The following IFNG-AS1 variants were observed in gnomAD, a reference collection of about 807,000 sequenced individuals.
IFNG-AS1 encodes the protein IFNG antisense RNA 1 (non-protein coding).
intron 2 of IFNG-AS1, among the ~76,000 whole-genome samples, chr12:68,003,177 C>G (rs1484663349): frequency 6.6e-6 from 1 of 152,124 alleles, no homozygotes; most frequent in African/African-American, 2.4e-5. Flanking sequence ...TACTTCCTCA[C>G]CTCTAGCTTT....
At chr12:68,010,075 C>T (rs1396835646) in intron 3 of IFNG-AS1, among the ~76,000 whole-genome samples, 1 of 152,190 alleles carries the variant, frequency 6.6e-6, no homozygotes, top group Non-Finnish European at 1.5e-5. Context: ...TACCACTACA[C>T]CCAAGGGACT....
At chr12:68,011,196 A>G (rs765442159) in intron 3 of IFNG-AS1, among the ~76,000 whole-genome samples, 1 of 152,230 alleles carries the variant, frequency 6.6e-6, no homozygotes, top group Non-Finnish European at 1.5e-5. Context: ...TAACCATCTC[A>G]TCGTGCTCTC....
chr12:67,998,207 G>A (rs1288058811), intron 2 of IFNG-AS1, among the ~76,000 whole-genome samples: 1 of 151,974 alleles, frequency 6.6e-6, no homozygotes, highest in East Asian at 1.9e-4. Flanking sequence ...TGACATTGTT[G>A]TTATTGCAAA....
intron 3 of IFNG-AS1, among the ~76,000 whole-genome samples, chr12:68,018,944 T>C (rs546010263): frequency 6.2e-4 from 95 of 152,176 alleles, no homozygotes; most frequent in African/African-American, 2.3e-3. Flanking sequence ...TACCACGCCT[T>C]TGAGTGGAAG....
intron 2 of IFNG-AS1, among the ~76,000 whole-genome samples, chr12:68,005,180 G>T (rs190668146): frequency 6.6e-6 from 1 of 152,096 alleles, no homozygotes; most frequent in African/African-American, 2.4e-5. Context: ...AAGGGGGAGC[G>T]GGTAATAATG....
chr12:67,996,131 G>C (rs1013278190), intron 2 of IFNG-AS1: 4 of 152,154 alleles, frequency 2.6e-5, no homozygotes, highest in Non-Finnish European at 5.9e-5. Flanking sequence ...CATATATTTA[G>C]TGCCTACTAT....
chr12:68,011,003 A>G (rs1880013422), intron 3 of IFNG-AS1, among the ~76,000 whole-genome samples: 2 of 152,268 alleles, frequency 1.3e-5, no homozygotes, highest in Non-Finnish European at 1.5e-5. Context: ...AGACACTACT[A>G]TGAGGTAGGT....
At chr12:68,000,843 T>A (rs1237342783) in intron 2 of IFNG-AS1, among the ~76,000 whole-genome samples, 2 of 152,234 alleles carry the variant, frequency 1.3e-5, no homozygotes, top group East Asian at 1.9e-4. Context: ...GTAATTTTTT[T>A]ATAAATTAAT....
chr12:67,992,624 C>A (rs188886087), intron 1 of IFNG-AS1, among the ~76,000 whole-genome samples: 7 of 152,254 alleles, frequency 4.6e-5, no homozygotes, highest in Admixed American at 1.3e-4. Context: ...GCTATAAAAG[C>A]CTTTTATGCT....
intron 2 of IFNG-AS1, among the ~76,000 whole-genome samples, chr12:68,004,853 G>C (rs1879870422): frequency 6.6e-6 from 1 of 152,014 alleles, no homozygotes; most frequent in Admixed American, 6.6e-5. Context: ...ACTTTTCTTA[G>C]CGGGATGCAT....
At chr12:67,998,489 G>C (rs868214165) in intron 2 of IFNG-AS1, among the ~76,000 whole-genome samples, 3 of 151,692 alleles carry the variant, frequency 2.0e-5, no homozygotes, top group Non-Finnish European at 4.4e-5. Context: ...GTTAACCCAG[G>C]AACTAAGATT....
intron 2 of IFNG-AS1, among the ~76,000 whole-genome samples, chr12:68,005,442 T>C (rs1839337069): frequency 6.6e-6 from 1 of 152,130 alleles, no homozygotes; most frequent in African/African-American, 2.4e-5. Context: ...TACACCCACC[T>C]CTTTGGAAAT....
chr12:67,993,249 C>A (rs193020464), intron 1 of IFNG-AS1, among the ~76,000 whole-genome samples: 2 of 152,124 alleles, frequency 1.3e-5, no homozygotes, highest in East Asian at 3.9e-4. Flanking sequence ...CTGTTTTTTA[C>A]GCAGTTCATG....
intron 3 of IFNG-AS1, among the ~76,000 whole-genome samples, chr12:68,007,823 G>A (rs1426977625): frequency 6.6e-6 from 1 of 152,162 alleles, no homozygotes; most frequent in Admixed American, 6.5e-5. Context: ...GAAAGACAGA[G>A]GAAGGGAGAG....
At chr12:67,995,439 A>G (rs1879615560) in intron 1 of IFNG-AS1, among the ~76,000 whole-genome samples, 2 of 131,718 alleles carry the variant, frequency 1.5e-5, no homozygotes, top group Admixed American at 8.0e-5. Flanking sequence ...AAAAAAAAAA[A>G]GGGCCGCGCA....
intron 1 of IFNG-AS1, among the ~76,000 whole-genome samples, chr12:67,989,822 ACTT>A (rs1357144872): frequency 6.6e-6 from 1 of 152,146 alleles, no homozygotes; most frequent in African/African-American, 2.4e-5. Flanking sequence ...TTCCTCTGAG[ACTT>A]CTTCTATTTC....
chr12:68,019,322 C>T (rs761906378), intron 3 of IFNG-AS1, among the ~76,000 whole-genome samples: 4 of 152,152 alleles, frequency 2.6e-5, no homozygotes, highest in Admixed American at 2.6e-4. Context: ...CATGTATCAA[C>T]TTATTGAAGA....
At chr12:67,995,895 C>G (rs1879630893) in intron 1 of IFNG-AS1, 1 of 152,018 alleles carries the variant, frequency 6.6e-6, no homozygotes, top group Non-Finnish European at 1.5e-5. Flanking sequence ...TGATTATTTT[C>G]TTTAAAACAA....
chr12:67,999,143 A>C (rs1879709390), intron 2 of IFNG-AS1, among the ~76,000 whole-genome samples: 1 of 152,224 alleles, frequency 6.6e-6, no homozygotes, highest in Non-Finnish European at 1.5e-5. Context: ...AGATAGATAT[A>C]AATAGGAATC....
Sources: gnomAD v4.1 joint callset for allele counts (sites outside exome capture counted in the v4.1 genomes callset) on GRCh38, gnomAD v4.1.1 for gene constraint, MANE v1.5 for transcripts, NCBI Gene and HGNC (gene_info 2026-07-23, HGNC 2026-07-21) for gene names.